Variants in DOLPP1 observed in about 807,000 individuals in gnomAD.
DOLPP1 encodes the protein dolichyl pyrophosphate phosphatase 1.
DOLPP1 carries 15 observed loss-of-function variants against 34.1 expected under a neutral mutation model. The ratio of observed to expected loss-of-function variants is 0.44; its 90% confidence interval spans 0.29 to 0.68. The LOEUF (loss-of-function observed/expected upper bound fraction) is 0.68. DOLPP1 is among the 30% of genes least tolerant of loss of function. DOLPP1 has a pLI of 0.12. For missense variants in DOLPP1, 249 were observed against 307.1 expected (o/e 0.81, Z 1.41); for synonymous variants, 130 against 128.2 (o/e 1.01, Z -0.10).
intron 1 of DOLPP1, among the ~76,000 whole-genome samples, chr9:129,082,109 A>G (rs1343892078): frequency 2.0e-5 from 3 of 151,910 alleles, no homozygotes; most frequent in African/African-American, 7.3e-5. Context: ...ACCTTGCAAG[A>G]CCCTCCCTGG....
intron 7 of DOLPP1, among the ~76,000 whole-genome samples, chr9:129,087,971 T>C (rs1847024533): frequency 6.6e-6 from 1 of 151,726 alleles, no homozygotes; most frequent in African/African-American, 2.4e-5. Flanking sequence ...ACACCTGTTC[T>C]GTGCCAGGCT....
chr9:129,085,505 C>G lies in DOLPP1; in HGVS notation c.363-13C>G. 6.2e-7 allele frequency: 1 copy of G among 1,612,214 alleles called. No individual in the cohort carries two copies. Among genetic ancestry groups the G allele is most frequent in the Non-Finnish European group, 8.5e-7 (1 of 1,179,000 alleles). On this transcript the variant is annotated splice_polypyrimidine_tract_variant and intron_variant, in intron 4 of 7. Transcript: ENST00000372546. The surrounding 1 kb of genome is among the most constrained non-coding windows in gnomAD (Gnocchi z 7.0). Reference sequence around the variant, plus strand: ...CTGTGGGCTGAGGTCATCTGGTGGGCCTGTTTTCGCAGAATGCACCAAACA... The same window carrying G: ...CTGTGGGCTGAGGTCATCTGGTGGGGCTGTTTTCGCAGAATGCACCAAACA...
At chr9:129,087,713 G>C (rs927337687) in intron 7 of DOLPP1, among the ~76,000 whole-genome samples, 64 of 152,126 alleles carry the variant, frequency 4.2e-4, no homozygotes, top group African/African-American at 1.3e-3. Flanking sequence ...GGGCGGGGTA[G>C]GGTGGGGCGT....
intron 7 of DOLPP1, among the ~76,000 whole-genome samples, 187 bp from the exon 8 acceptor site, chr9:129,088,784 C>T (rs993695721): frequency 6.6e-6 from 1 of 152,188 alleles, no homozygotes; most frequent in African/African-American, 2.4e-5. Flanking sequence ...CAGGCCTCGC[C>T]GGGGAGATCA....
chr9:129,084,191 A>C (rs190235023), intron 1 of DOLPP1, among the ~76,000 whole-genome samples: 1 of 152,292 alleles, frequency 6.6e-6, no homozygotes, highest in Non-Finnish European at 1.5e-5. Flanking sequence ...GCCCCAGCAC[A>C]ACAGTGTGTG....
In DOLPP1 at chr9:129,085,660, G is replaced by C. The variant is rs779257477; in HGVS notation, c.461+44G>C. 1 of 1,506,160 alleles carries C rather than the reference G, an allele frequency of 6.6e-7. No homozygotes were observed. Among genetic ancestry groups the C allele is most frequent in the African/African-American group, 1.4e-5 (1 of 72,092 alleles). The allele number at this position is 1,506,160 out of a possible 1,614,324, so 93.3% of individuals were successfully genotyped here. A position where few individuals can be genotyped will look rare whatever the true frequency, so the allele number is the denominator to read the frequency against. On this transcript the variant is annotated intron_variant, in intron 5 of 7. Transcript: ENST00000372546. This position sits in a 1 kb window ranked among gnomAD's most constrained non-coding sequence, Gnocchi z 7.0. ...CCCTGCCTGCACCCTGCCCATGTGG[G>C]GTCCTGCTGGTTCCTGGTCCCTGTC...
Position 129,089,417 on chromosome 9 carries a change from TG to T in DOLPP1, c.*412del, listed in dbSNP as rs1847054989. 1 of 171,494 alleles carries T rather than the reference TG, an allele frequency of 5.8e-6. No individual in the cohort carries two copies. The highest frequency in any genetic ancestry group is 2.4e-5 in the African/African-American group (1 of 41,944). 10.6% of individuals were successfully genotyped at this position (171,494 alleles called of 1,614,324 possible). A position where few individuals can be genotyped will look rare whatever the true frequency, so the allele number is the denominator to read the frequency against. ...TCAGAGGCAGGCAGGATTTTGGAGCTGGAAGAATCTGCTCTCCGGTGGCTGC... is the reference window on the plus strand; with the variant it reads ...TCAGAGGCAGGCAGGATTTTGGAGCTGAAGAATCTGCTCTCCGGTGGCTGC... On this transcript the variant is annotated 3_prime_UTR_variant, in exon 8 of 8. Coordinates refer to ENST00000372546, the MANE Select transcript of DOLPP1 (RefSeq NM_020438.5). This position sits in a 1 kb window ranked among gnomAD's most constrained non-coding sequence, Gnocchi z 4.9.
rs772167964 is a variant in DOLPP1, at chr9:129,085,166, C to T, written c.263-41C>T. ...CCAGGTTGGGGCGTTACTGGGAGGT[C>T]TGCATCCCCCCGTGATGCCCTGGTC... On this transcript the variant is annotated intron_variant, in intron 3 of 7. Coordinates refer to ENST00000372546, the MANE Select transcript of DOLPP1 (RefSeq NM_020438.5). The surrounding 1 kb of genome is among the most constrained non-coding windows in gnomAD (Gnocchi z 7.0). 12 of 1,610,012 alleles carry T rather than the reference C, an allele frequency of 7.5e-6. No individual in the cohort carries two copies. Among genetic ancestry groups the T allele is most frequent in the Non-Finnish European group, 1.0e-5 (12 of 1,176,904 alleles).
rs547903151 is a variant in DOLPP1 at position 129,088,654 on chromosome 9, C to T, written c.681-317C>T. ...TGCCTCGTCTATAAAGCGAAACTCC[C>T]CATAACTAATTGGAACCCAGCCAGG... is the stretch of plus-strand genomic sequence containing the variant. On this transcript the variant is annotated intron_variant, in intron 7 of 7. Transcript: ENST00000372546. 2.6e-5 allele frequency among the ~76,000 whole-genome samples: 4 copies of T among 152,312 alleles called. No homozygotes were observed. The South Asian group carries it at 6.2e-4, about 24-fold the overall frequency.
Position 129,085,434 on chromosome 9 carries a change from G to A in DOLPP1, c.363-84G>A, listed in dbSNP as rs1846970794. 1 of 1,529,552 alleles carries A rather than the reference G, an allele frequency of 6.5e-7. No individual in the cohort carries two copies. The highest frequency in any genetic ancestry group is 1.4e-5 in the African/African-American group (1 of 73,182). 94.7% of individuals were successfully genotyped at this position (1,529,552 alleles called of 1,614,324 possible). ...GCAGCGGAGGCAGAAGGTACCCAGG[G>A]AGCATTTGGATGGGGCCAGGGACTG... On this transcript the variant is annotated intron_variant, in intron 4 of 7. Transcript: ENST00000372546. The surrounding 1 kb of genome is among the most constrained non-coding windows in gnomAD (Gnocchi z 7.0).
intron 5 of DOLPP1, 29 bp from the exon 6 acceptor site, chr9:129,086,110 C>A: frequency 6.2e-7 from 1 of 1,609,700 alleles, no homozygotes; most frequent in Non-Finnish European, 8.5e-7. Context: ...GACTGGCTCT[C>A]ACATACTTCG....
intron 6 of DOLPP1, 41 bp downstream of exon 6, chr9:129,086,308 C>T (rs772916683): frequency 6.2e-7 from 1 of 1,608,892 alleles, no homozygotes; most frequent in Non-Finnish European, 8.5e-7. Flanking sequence ...GGGCCCTGTC[C>T]CCTCCTGTGG....
At position 129,081,154 on chromosome 9, in the gene DOLPP1, C is replaced by T; in HGVS notation, c.23C>T (p.Ser8Leu). 1.2e-6 allele frequency: 2 copies of T among 1,609,818 alleles called. No homozygotes were observed. The highest frequency in any genetic ancestry group is 1.7e-5 in the Admixed American group (1 of 59,976). ...AAGATGGCAGCGGACGGACAGTGCT[C>T]GCTCCCCGCTTCATGGCGGCCGGTG... MAADGQCSLPASWRPVTL... is the reference protein window; with the variant it reads MAADGQCLLPASWRPVTL... The change falls in exon 1 of 8, where the codon TCG (serine) becomes TTG (leucine). Residue 8 changes from serine (S) to leucine (L), a missense_variant. By Grantham distance (145) the Ser-to-Leu change is moderately radical. Coordinates refer to ENST00000372546, the MANE Select transcript of DOLPP1 (RefSeq NM_020438.5).
At position 129,088,966 on chromosome 9, in the gene DOLPP1, T is replaced by C. The variant is rs775151817; in HGVS notation, c.681-5T>C. The C allele has an allele frequency of 6.2e-7, 1 of 1,613,806 alleles. No individual in the cohort carries two copies. The highest frequency in any genetic ancestry group is 8.5e-7 in the Non-Finnish European group (1 of 1,179,946). The stretch of plus-strand genomic sequence containing the variant: ...TCCACATCTGACCCCCATCCTGTTT[T>C]GCAGGAACAGACAACGCAAGCTGGG... On this transcript the variant is annotated splice_polypyrimidine_tract_variant and splice_region_variant and intron_variant, in intron 7 of 7. Transcript: ENST00000372546.
intron 2 of DOLPP1, 112 bp from the exon 3 acceptor site, chr9:129,084,911 A>G (rs1204159911): frequency 7.5e-7 from 1 of 1,327,286 alleles, no homozygotes; most frequent in Non-Finnish European, 1.1e-6. Flanking sequence ...GGCTGGTTCT[A>G]GGTTACTCAC....
At chr9:129,083,018 G>T (rs1846919372) in intron 1 of DOLPP1, among the ~76,000 whole-genome samples, 1 of 152,194 alleles carries the variant, frequency 6.6e-6, no homozygotes, top group African/African-American at 2.4e-5. Flanking sequence ...GTCCCAGGTG[G>T]GGGGAAACTG....
chr9:129,088,396 T>G (rs1232251151), intron 7 of DOLPP1, among the ~76,000 whole-genome samples: 1 of 151,972 alleles, frequency 6.6e-6, no homozygotes, highest in Non-Finnish European at 1.5e-5. Context: ...CAAACCCCAT[T>G]CTCCTCTACT....
At position 129,089,904 on chromosome 9, in the gene DOLPP1, C is replaced by G. The variant is rs1015355398; in HGVS notation, c.*897C>G. On this transcript the variant is annotated 3_prime_UTR_variant, in exon 8 of 8. Transcript: ENST00000372546. The surrounding 1 kb of genome is among the most constrained non-coding windows in gnomAD (Gnocchi z 4.9). ...CACCCGAAGTCCCTCGTCCTTCCCT[C>G]TGTGTGCTCTGAATATGTCCTTGTC... The G allele has an allele frequency of 2.0e-5, 3 of 152,450 alleles. No homozygotes were observed. The highest frequency in any genetic ancestry group is 4.8e-5 in the African/African-American group (2 of 41,460). The allele number at this position is 152,450 out of a possible 1,614,324, so 9.4% of individuals were successfully genotyped here.
In DOLPP1 at chr9:129,089,308, G is replaced by C; in HGVS notation, c.*301G>C. 2.8e-6 allele frequency: 1 copy of C among 357,740 alleles called. No individual in the cohort carries two copies. Among genetic ancestry groups the C allele is most frequent in the South Asian group, 4.4e-5 (1 of 22,764 alleles). The allele number at this position is 357,740 out of a possible 1,614,324, so 22.2% of individuals were successfully genotyped here. ...GGCATGGGCACCTGGGTGTGGGGTG[G>C]AGGAGGAGGGCTCGCGCCTCTGGTC... On this transcript the variant is annotated 3_prime_UTR_variant, in exon 8 of 8. Transcript: ENST00000372546. This position sits in a 1 kb window ranked among gnomAD's most constrained non-coding sequence, Gnocchi z 4.9.
Sources: allele counts gnomAD v4.1 joint callset (sites outside exome capture counted in the v4.1 genomes callset), GRCh38; gene constraint gnomAD v4.1.1; non-coding constraint Gnocchi (gnomAD v3.1); transcripts MANE v1.5; gene names NCBI Gene and HGNC (gene_info 2026-07-23, HGNC 2026-07-21).